The following POSTN variants were observed in gnomAD, a reference collection of about 807,000 sequenced individuals.
POSTN encodes osteoblast specific factor 2 (fasciclin I-like).
Under a neutral mutation model 104.5 loss-of-function variants are expected in POSTN, and 71 were observed. The observed-to-expected ratio is 0.68, with a 90% CI of 0.56 to 0.83. The LOEUF is 0.83. POSTN is among the 40% of genes least tolerant of loss of function. The pLI, the probability that POSTN is intolerant of heterozygous loss-of-function variation, is 0.00. For missense variants in POSTN, 949 were observed against 1,006.8 expected (o/e 0.94, Z 0.78); for synonymous variants, 355 against 340.7 (o/e 1.04, Z -0.46).
chr13:37,579,361 TA>T lies in POSTN; in HGVS notation c.1661-3del. On this transcript the variant is annotated splice_polypyrimidine_tract_variant and splice_region_variant and intron_variant, in intron 12 of 22. Transcript: ENST00000379747. ...TGTTTTGAAGAGCATTTTTGTCCCC[TA>T]GGGGAAAATATATGTTTATTTTTAT... 6.4e-7 allele frequency: 1 copy of T among 1,559,812 alleles called. No individual in the cohort carries two copies. The highest frequency in any genetic ancestry group is 1.1e-5 in the South Asian group (1 of 88,294).
At chr13:37,577,559 A>G (rs1950445434) in intron 16 of POSTN, among the ~76,000 whole-genome samples, 194 bp downstream of exon 16, 2 of 152,112 alleles carry the variant, frequency 1.3e-5, no homozygotes, top group Admixed American at 6.6e-5. Flanking sequence ...TGTTTTTCCA[A>G]TGAGTGGGGA....
chr13:37,595,012 G>T (rs1951045141), intron 2 of POSTN, among the ~76,000 whole-genome samples: 3 of 143,494 alleles, frequency 2.1e-5, no homozygotes, highest in Admixed American at 7.0e-5. Flanking sequence ...TACATTTCTG[G>T]TTAAAAAAAA....
chr13:37,579,275 G>A lies in POSTN; in HGVS notation c.1745C>T (p.Thr582Ile), dbSNP rs1202166860. The change falls in exon 13 of 23, where the codon ACT (threonine) becomes ATT (isoleucine). Residue 582 changes from threonine (T) to isoleucine (I), a missense_variant. By Grantham distance (89) the Thr-to-Ile change is moderately conservative (BLOSUM62 -1). Coordinates refer to ENST00000379747, the MANE Select transcript of POSTN (RefSeq NM_006475.3). ...FIGKGFEPGV[T>I]NILKTTQGSK... Reference sequence around the variant, plus strand: ...TCCTTGTGTGGTCTTTAAAATGTTAGTAACACCAGGTTCAAATCCTTTTCC... The same window carrying A: ...TCCTTGTGTGGTCTTTAAAATGTTAATAACACCAGGTTCAAATCCTTTTCC... 1 of 1,608,596 alleles carries A rather than the reference G, an allele frequency of 6.2e-7. No individual in the cohort carries two copies. Among genetic ancestry groups the A allele is most frequent in the South Asian group, 1.1e-5 (1 of 90,966 alleles).
Position 37,597,200 on chromosome 13 carries a change from T to A in POSTN, c.202A>T (p.Ile68Phe). Residue 68 changes from isoleucine to phenylalanine, a missense_variant, in exon 2 of 23, where the codon ATC (isoleucine) becomes TTC (phenylalanine). Ile to Phe is a conservative substitution (Grantham distance 21). Coordinates refer to ENST00000379747, the MANE Select transcript of POSTN (RefSeq NM_006475.3). ...GAGACTTACGTTTTCTGTCCACAGA[T>A]GGACTTTTTATACCAGTTCTTACAA... ...STCKNWYKKS[I>F]CGQKTTVLYE... is the part of the protein sequence containing the mutation. 1 of 1,562,012 alleles carries A rather than the reference T, an allele frequency of 6.4e-7. No homozygotes were observed. Among genetic ancestry groups the A allele is most frequent in the Non-Finnish European group, 8.6e-7 (1 of 1,161,284 alleles).
intron 22 of POSTN, among the ~76,000 whole-genome samples, chr13:37,564,085 A>G (rs1337242704): frequency 6.7e-6 from 1 of 150,082 alleles, no homozygotes; most frequent in Non-Finnish European, 1.5e-5. Context: ...TCCACCTGCA[A>G]TCTACATTTG....
At chr13:37,563,418 T>G (rs774966215) in intron 22 of POSTN, 48 bp from the exon 23 acceptor site, 8 of 1,290,458 alleles carry the variant, frequency 6.2e-6, no homozygotes, top group Non-Finnish European at 7.5e-6. Context: ...GTTAGGAAAT[T>G]TTAAAATTTA....
chr13:37,586,664 T>C (rs545091049), intron 6 of POSTN, 118 bp downstream of exon 6: 1 of 972,244 alleles, frequency 1.0e-6, no homozygotes, highest in East Asian at 2.6e-5. Flanking sequence ...ATAGTAGTCC[T>C]TTCAAAAAAT....
chr13:37,582,606 CCT>C, intron 9 of POSTN, 92 bp from the exon 10 acceptor site: 2 of 1,188,442 alleles, frequency 1.7e-6, no homozygotes, highest in Non-Finnish European at 2.3e-6. Context: ...ACAGATAATC[CCT>C]GACATTATTG....
At chr13:37,595,542 T>C (rs1951059709) in intron 2 of POSTN, among the ~76,000 whole-genome samples, 1 of 152,340 alleles carries the variant, frequency 6.6e-6, no homozygotes, top group African/African-American at 2.4e-5. Flanking sequence ...TAAGCTTAAA[T>C]GCCTTGTATA....
chr13:37,567,337 G>C (rs1011659812), intron 21 of POSTN, among the ~76,000 whole-genome samples: 1 of 150,780 alleles, frequency 6.6e-6, no homozygotes, highest in Admixed American at 6.6e-5. Context: ...GAGTTGAAGA[G>C]CATGGTTCAG....
chr13:37,578,338 T>C (rs1284858210), intron 15 of POSTN, among the ~76,000 whole-genome samples: 1 of 152,202 alleles, frequency 6.6e-6, no homozygotes, highest in Non-Finnish European at 1.5e-5. Flanking sequence ...TAGATATTTG[T>C]TGAACAAAAC....
chr13:37,596,115 T>G (rs1187053011), intron 2 of POSTN, among the ~76,000 whole-genome samples: 1 of 152,134 alleles, frequency 6.6e-6, no homozygotes, highest in Non-Finnish European at 1.5e-5. Context: ...TGTTTAGGAT[T>G]TATACCAATA....
At chr13:37,592,603 T>G (rs1687407268) in intron 2 of POSTN, among the ~76,000 whole-genome samples, 1 of 152,170 alleles carries the variant, frequency 6.6e-6, no homozygotes, top group African/African-American at 2.4e-5. Flanking sequence ...CGGCCGATTT[T>G]TTCTATATTT....
rs1348400367 is a variant in POSTN at position 37,579,368 on chromosome 13, A to G, written c.1661-9T>C. On this transcript the variant is annotated splice_polypyrimidine_tract_variant and intron_variant, in intron 12 of 22. Coordinates refer to ENST00000379747, the MANE Select transcript of POSTN (RefSeq NM_006475.3). ...AAGAGCATTTTTGTCCCCTAGGGGA[A>G]AATATATGTTTATTTTTATTGAATA... The G allele has an allele frequency of 6.5e-7, 1 of 1,545,218 alleles. No individual in the cohort carries two copies.
At chr13:37,582,582 A>T in intron 9 of POSTN, 68 bp from the exon 10 acceptor site, 3 of 1,375,812 alleles carry the variant, frequency 2.2e-6, no homozygotes, top group Non-Finnish European at 3.0e-6. Context: ...TCCCGGTAAG[A>T]CAGAATCATA....
chr13:37,597,390 C>A, intron 1 of POSTN, 108 bp from the exon 2 acceptor site: 1 of 684,456 alleles, frequency 1.5e-6, no homozygotes, highest in Non-Finnish European at 2.4e-6. Flanking sequence ...ATTTGATATC[C>A]AAAGACATGA....
chr13:37,570,254 G>A (rs1950225456), intron 19 of POSTN, among the ~76,000 whole-genome samples: 1 of 151,766 alleles, frequency 6.6e-6, no homozygotes, highest in Admixed American at 6.6e-5. Flanking sequence ...CTCAAATGAG[G>A]AAATGGCTTT....
intron 6 of POSTN, among the ~76,000 whole-genome samples, chr13:37,586,541 C>T (rs185576969): frequency 2.0e-5 from 3 of 152,222 alleles, no homozygotes; most frequent in Admixed American, 2.0e-4. Context: ...CAGATGAACA[C>T]GTTCTAAATG....
In POSTN at chr13:37,587,883, C is replaced by G. The variant is rs753348544; in HGVS notation, c.545G>C (p.Gly182Ala). Residue 182 changes from glycine to alanine, a missense_variant, in exon 5 of 23, where the codon GGC becomes GCC. Physicochemically the swap from Gly to Ala is moderately conservative, Grantham distance 60. Transcript: ENST00000379747. ...KRMLTKDLKN[G>A]MIIPSMYNNL... Reference sequence around the variant, plus strand: ...GTTATACATTGAAGGAATAATCATGCCATTTTTTAAGTCCTTGGTCAACAT... The same window carrying G: ...GTTATACATTGAAGGAATAATCATGGCATTTTTTAAGTCCTTGGTCAACAT... 6.2e-7 allele frequency: 1 copy of G among 1,604,450 alleles called. No homozygotes were observed. The highest frequency in any genetic ancestry group is 1.1e-5 in the South Asian group (1 of 90,678).
Sources: allele counts gnomAD v4.1 joint callset (sites outside exome capture counted in the v4.1 genomes callset), GRCh38; gene constraint gnomAD v4.1.1; transcripts MANE v1.5; gene names NCBI Gene and HGNC (gene_info 2026-07-23, HGNC 2026-07-21).